DAPK1: variants seen among roughly 807,000 people sequenced by gnomAD.
DAPK1 encodes the protein death associated protein kinase 1.
A neutral mutation model predicts 144.9 loss-of-function variants in DAPK1; 56 were observed. The observed-to-expected ratio is 0.39, with a 90% CI of 0.31 to 0.48. The LOEUF (loss-of-function observed/expected upper bound fraction) is 0.48, where lower values mean the gene tolerates loss of function less well. Among genes scored for constraint, DAPK1 ranks in the 20% least tolerant of loss-of-function variants. The probability of loss-of-function intolerance (pLI) is 0.95; values close to 1 mark genes in which losing one functional copy is unlikely to be tolerated. For synonymous variants in DAPK1, 690 were observed against 749.0 expected, an observed-to-expected ratio of 0.92 and a Z score of 1.29; for missense variants, 1,454 against 1,875.4, an observed-to-expected ratio of 0.78 and a Z score of 4.15.
intron 3 of DAPK1, among the ~76,000 whole-genome samples, chr9:87,618,235 C>T (rs1391971531): frequency 1.3e-5 from 2 of 152,138 alleles, no homozygotes; most frequent in African/African-American, 2.4e-5. Context: ...TGTGAGATGG[C>T]GCTTCACACC....
At chr9:87,522,646 A>G (rs991418955) in intron 2 of DAPK1, among the ~76,000 whole-genome samples, 3 of 152,200 alleles carry the variant, frequency 2.0e-5, no homozygotes, top group Non-Finnish European at 2.9e-5. Context: ...CTGTAGGTAA[A>G]TTCCTAGAAG....
chr9:87,645,887 C>G lies in DAPK1; in HGVS notation c.1012-8C>G, dbSNP rs756638350. On this transcript the variant is annotated splice_polypyrimidine_tract_variant and splice_region_variant and intron_variant, in intron 11 of 25. Transcript: ENST00000408954. ...AACTCTGTTTCCATCTTGGCTGTCT[C>G]TCTCAAGGATGAGGAAGACTCCTTT... is the stretch of plus-strand genomic sequence containing the variant. 2.7e-5 allele frequency: 43 copies of G among 1,613,686 alleles called. No homozygotes were observed. The highest frequency in any genetic ancestry group is 3.6e-5 in the Non-Finnish European group (43 of 1,179,798).
At chr9:87,507,517 TTACCTTATGTAC>T (rs1355885375) in intron 2 of DAPK1, among the ~76,000 whole-genome samples, 7 of 152,380 alleles carry the variant, frequency 4.6e-5, no homozygotes, top group Middle Eastern at 6.8e-3. Context: ...CACGGGGCTT[TTACCTTATGTAC>T]TACCTTTCGA....
chr9:87,664,857 G>A (rs1211290580), intron 18 of DAPK1, among the ~76,000 whole-genome samples: 3 of 152,096 alleles, frequency 2.0e-5, no homozygotes, highest in Admixed American at 6.5e-5. Flanking sequence ...TTGCCTCCCT[G>A]ACCCCCATCT....
intron 2 of DAPK1, among the ~76,000 whole-genome samples, chr9:87,579,369 A>G (rs527263841): frequency 2.0e-5 from 3 of 152,294 alleles, no homozygotes; most frequent in Admixed American, 6.5e-5. Flanking sequence ...GGAAGAGCAC[A>G]TTTCCACCCT....
intron 19 of DAPK1, 99 bp downstream of exon 19, chr9:87,668,773 A>T: frequency 1.2e-6 from 1 of 810,722 alleles, no homozygotes; most frequent in Non-Finnish European, 2.2e-6. Flanking sequence ...ATGAGGCTCT[A>T]GACAGCCAGG....
chr9:87,522,881 T>C (rs1385939051), intron 2 of DAPK1, among the ~76,000 whole-genome samples: 3 of 152,224 alleles, frequency 2.0e-5, no homozygotes. Flanking sequence ...GTTTAAGAAC[T>C]ATTTGTCTCT....
At chr9:87,552,873 T>G (rs1038806727) in intron 2 of DAPK1, among the ~76,000 whole-genome samples, 13 of 152,128 alleles carry the variant, frequency 8.5e-5, no homozygotes, top group African/African-American at 3.1e-4. Flanking sequence ...GTGTCAGGAT[T>G]ACAGGTGTGA....
At chr9:87,538,591 T>G (rs955917446) in intron 2 of DAPK1, among the ~76,000 whole-genome samples, 5 of 152,196 alleles carry the variant, frequency 3.3e-5, no homozygotes, top group African/African-American at 1.2e-4. Flanking sequence ...GAACAAAAAT[T>G]TGAACAGTTC....
At chr9:87,631,983 T>A (rs1415132289) in intron 3 of DAPK1, 1 of 699,146 alleles carries the variant, frequency 1.4e-6, no homozygotes, top group Non-Finnish European at 1.8e-6. Context: ...TATGTAGAAA[T>A]AAAGGAAGAT....
chr9:87,539,102 T>G (rs1266569853), intron 2 of DAPK1, among the ~76,000 whole-genome samples: 1 of 151,442 alleles, frequency 6.6e-6, no homozygotes, highest in Non-Finnish European at 1.5e-5. Flanking sequence ...TAAAAATATA[T>G]GTACTACATA....
chr9:87,572,952 G>C (rs1827413698), intron 2 of DAPK1, among the ~76,000 whole-genome samples: 1 of 152,110 alleles, frequency 6.6e-6, no homozygotes, highest in Admixed American at 6.6e-5. Context: ...TGCCAAGCCT[G>C]GCTGAGATTC....
At chr9:87,524,613 C>T (rs1292463929) in intron 2 of DAPK1, among the ~76,000 whole-genome samples, 1 of 152,122 alleles carries the variant, frequency 6.6e-6, no homozygotes, top group Non-Finnish European at 1.5e-5. Flanking sequence ...CAGCACAATT[C>T]GCAATTGCAA....
At chr9:87,612,109 A>G (rs1030285394) in intron 3 of DAPK1, among the ~76,000 whole-genome samples, 72 of 152,182 alleles carry the variant, frequency 4.7e-4, no homozygotes, top group African/African-American at 1.7e-3. Context: ...TTTTAAAGGT[A>G]CTAAACTGAC....
At chr9:87,531,047 A>C (rs1473415554) in intron 2 of DAPK1, among the ~76,000 whole-genome samples, 2 of 152,256 alleles carry the variant, frequency 1.3e-5, no homozygotes, top group Non-Finnish European at 2.9e-5. Flanking sequence ...GGAAGCATGG[A>C]TATATTTTAA....
At chr9:87,692,975 T>C (rs1410889376) in intron 21 of DAPK1, among the ~76,000 whole-genome samples, 2 of 131,786 alleles carry the variant, frequency 1.5e-5, no homozygotes, top group African/African-American at 5.8e-5. Flanking sequence ...TTTTTTTTTT[T>C]TTTTTTTTTT....
chr9:87,639,089 C>A (rs1015463034), intron 4 of DAPK1, among the ~76,000 whole-genome samples: 17 of 152,154 alleles, frequency 1.1e-4, no homozygotes, highest in African/African-American at 4.1e-4. Context: ...TAGCAGCTTC[C>A]TTCTGTTTCC....
chr9:87,615,428 C>A (rs1318839600), intron 3 of DAPK1, among the ~76,000 whole-genome samples: 1 of 152,218 alleles, frequency 6.6e-6, no homozygotes, highest in Non-Finnish European at 1.5e-5. Flanking sequence ...CTGTGAGATG[C>A]AAACACTATT....
rs773785893 is a variant in DAPK1, at chr9:87,668,608, G to C, written c.1935G>C (p.Thr645=). 7.0e-6 allele frequency: 10 copies of C among 1,433,010 alleles called. No homozygotes were observed. In the Admixed American group the frequency reaches 1.5e-4, roughly 22 times the overall value. The allele number at this position is 1,433,010 out of a possible 1,614,324, so 88.8% of individuals were successfully genotyped here. A position where few individuals can be genotyped will look rare whatever the true frequency, so the allele number is the denominator to read the frequency against. Residue 645 remains threonine, a synonymous_variant, in exon 19 of 26, where the codon ACG becomes ACC. Transcript: ENST00000408954. The part of the protein sequence containing the change: ...SVEALTTDGK[T]AEDLARSEQH... ...TTTTTCTCCAACAGGACGGAAAGACGGCAGAAGATCTTGCTAGATCGGAAC... is the reference window on the plus strand; with the variant it reads ...TTTTTCTCCAACAGGACGGAAAGACCGCAGAAGATCTTGCTAGATCGGAAC...
Sources: allele counts gnomAD v4.1 joint callset (sites outside exome capture counted in the v4.1 genomes callset), GRCh38; gene constraint gnomAD v4.1.1; transcripts MANE v1.5; gene names NCBI Gene and HGNC (gene_info 2026-07-23, HGNC 2026-07-21).